Variants in PCDHGB4 observed in about 807,000 individuals in gnomAD.
The protein encoded by PCDHGB4 is protocadherin gamma-B4.
In PCDHGB4, 38 loss-of-function variants were observed where a neutral mutation model predicts 60.5. That is an observed-to-expected ratio of 0.63 (90% CI 0.48 to 0.82). The LOEUF is 0.82. Ranked by LOEUF, PCDHGB4 falls within the 40% of genes least tolerant of loss-of-function variation. PCDHGB4 has a pLI of 0.00. For missense variants in PCDHGB4, 1,109 were observed against 1,209.6 expected (o/e 0.92, Z 1.23); for synonymous variants, 456 against 509.7 (o/e 0.89, Z 1.42).
At chr5:141,429,500 A>C (rs1050435175) in intron 1 of PCDHGB4, among the ~76,000 whole-genome samples, 1 of 152,148 alleles carries the variant, frequency 6.6e-6, no homozygotes, top group Non-Finnish European at 1.5e-5. Flanking sequence ...CAGTTGCCTG[A>C]AACTGTGCCT....
In PCDHGB4 at chr5:141,404,936, G is replaced by A. The variant is rs755365273; in HGVS notation, c.2397+14655G>A. ...TCTCTCGGCCACTGTCACGCTCACA[G>A]TAGCCATAGCTGACAGCATCCCAGA... is the stretch of plus-strand genomic sequence containing the variant. On this transcript the variant is annotated intron_variant, in intron 1 of 3. Coordinates refer to ENST00000519479, the MANE Select transcript of PCDHGB4 (RefSeq NM_003736.4). 1.9e-6 allele frequency: 3 copies of A among 1,613,858 alleles called. No individual in the cohort carries two copies. The South Asian group carries it at 3.3e-5, about 18-fold the overall frequency.
chr5:141,410,091 G>C (rs778509378), intron 1 of PCDHGB4: 8 of 1,612,400 alleles, frequency 5.0e-6, no homozygotes, highest in South Asian at 1.1e-5. Context: ...CGCACGGCTC[G>C]AGCCTTAGGC....
At chr5:141,411,880 A>G (rs1030232942) in intron 1 of PCDHGB4, 2 of 152,240 alleles carry the variant, frequency 1.3e-5, no homozygotes, top group African/African-American at 4.8e-5. Flanking sequence ...GACATTTCTA[A>G]GAAATAAATG....
intron 1 of PCDHGB4, 157 bp from the exon 2 acceptor site, chr5:141,494,645 GTGTAT>G: frequency 1.1e-6 from 1 of 935,948 alleles, no homozygotes; most frequent in Non-Finnish European, 1.3e-6. Context: ...GAGACCTGAG[GTGTAT>G]TTTGTCTTTG....
At chr5:141,400,077 C>T in intron 1 of PCDHGB4, 4 of 1,614,040 alleles carry the variant, frequency 2.5e-6, no homozygotes, top group South Asian at 1.1e-5. Context: ...AGCCGCCACT[C>T]TCCGCCACCG....
chr5:141,393,264 C>T, intron 1 of PCDHGB4: 1 of 1,613,916 alleles, frequency 6.2e-7, no homozygotes, highest in Non-Finnish European at 8.5e-7. Flanking sequence ...TCCTGGAGCA[C>T]GTTATCCACT....
chr5:141,431,876 GA>G lies in PCDHGB4; in HGVS notation c.2397+41596del. 6.2e-7 allele frequency: 1 copy of G among 1,614,188 alleles called. No individual in the cohort carries two copies. Among genetic ancestry groups the G allele is most frequent in the Non-Finnish European group, 8.5e-7 (1 of 1,180,008 alleles). On this transcript the variant is annotated intron_variant, in intron 1 of 3. Transcript: ENST00000519479. The surrounding 1 kb of genome is among the most constrained non-coding windows in gnomAD (Gnocchi z 4.8). ...ATTAATTGCCCTTTTAAATGTAAATGACCAAGATTCTGAGGAAAACGGACAG... is the reference window on the plus strand; with the variant it reads ...ATTAATTGCCCTTTTAAATGTAAATGCCAAGATTCTGAGGAAAACGGACAG...
At chr5:141,475,315 A>G (rs766425496) in intron 1 of PCDHGB4, among the ~76,000 whole-genome samples, 2 of 152,182 alleles carry the variant, frequency 1.3e-5, no homozygotes, top group Non-Finnish European at 2.9e-5. Flanking sequence ...CCTGGTTCTT[A>G]AGAAATGAGA....
rs1007591817 is a variant in PCDHGB4, at chr5:141,389,432, C to A, written c.1548C>A (p.Arg516=). Residue 516 remains arginine (R), a synonymous_variant, in exon 1 of 4, where the codon CGC becomes CGA. Transcript: ENST00000519479. ...SAESGVVFAQ[R]AFDHEQLRAF... The stretch of plus-strand genomic sequence containing the variant: ...AGAGCGGGGTGGTGTTCGCGCAGCG[C>A]GCCTTCGACCACGAGCAGCTGCGCG... The A allele has an allele frequency of 1.2e-6, 2 of 1,610,650 alleles. No individual in the cohort carries two copies. The highest frequency in any genetic ancestry group is 8.5e-7 in the Non-Finnish European group (1 of 1,178,380).
intron 1 of PCDHGB4, chr5:141,393,367 G>C: frequency 1.2e-6 from 2 of 1,613,962 alleles, no homozygotes; most frequent in Middle Eastern, 1.6e-4. Context: ...GTGCAGACTG[G>C]AGACAATGGA....
At chr5:141,495,984 ATC>A (rs2099765081) in intron 2 of PCDHGB4, among the ~76,000 whole-genome samples, 1 of 149,246 alleles carries the variant, frequency 6.7e-6, no homozygotes, top group East Asian at 2.0e-4. Context: ...CTCTTTCTTT[ATC>A]TCTCTTTTTC....
intron 1 of PCDHGB4, chr5:141,395,264 A>T: frequency 1.3e-6 from 2 of 1,549,832 alleles, no homozygotes; most frequent in Non-Finnish European, 1.7e-6. Flanking sequence ...GCTTGCTTTT[A>T]ATTTCCAGAT....
chr5:141,427,150 T>C (rs570999921), intron 1 of PCDHGB4: 6 of 456,866 alleles, frequency 1.3e-5, no homozygotes, highest in African/African-American at 4.0e-5. Flanking sequence ...ATTGGAAATA[T>C]GTTTGTGCTA....
rs1334123861 is a variant in PCDHGB4, at chr5:141,414,743, C to G, written c.2397+24462C>G. On this transcript the variant is annotated intron_variant, in intron 1 of 3. Coordinates refer to ENST00000519479, the MANE Select transcript of PCDHGB4 (RefSeq NM_003736.4). ...ACTGGCGTCCTGTATGCACTCAGAT[C>G]CTTCGACTATGAGCAGTTTCATGAG... 1.9e-6 allele frequency: 3 copies of G among 1,614,216 alleles called. No homozygotes were observed. In the East Asian group the frequency reaches 6.7e-5, roughly 36 times the overall value.
At chr5:141,505,348 G>A (rs1414647950) in intron 2 of PCDHGB4, 45 bp from the exon 3 acceptor site, 1 of 1,613,358 alleles carries the variant, frequency 6.2e-7, no homozygotes, top group Admixed American at 1.7e-5. Context: ...GGCATGAGCT[G>A]TGCCGGCCTG....
At position 141,485,731 on chromosome 5, in the gene PCDHGB4, C is replaced by G; in HGVS notation, c.2398-9076C>G. 6.2e-7 allele frequency: 1 copy of G among 1,614,152 alleles called. No homozygotes were observed. Among genetic ancestry groups the G allele is most frequent in the Non-Finnish European group, 8.5e-7 (1 of 1,180,022 alleles). ...TTGCACTGGATGTGAAGAAGCGCAG[C>G]GACGGCAGCCTGGTCCCAGAGCTGC... On this transcript the variant is annotated intron_variant, in intron 1 of 3. Transcript: ENST00000519479. The surrounding 1 kb of genome is among the most constrained non-coding windows in gnomAD (Gnocchi z 5.7).
intron 1 of PCDHGB4, among the ~76,000 whole-genome samples, chr5:141,445,720 G>T (rs2098475440): frequency 6.6e-6 from 1 of 152,158 alleles, no homozygotes; most frequent in Non-Finnish European, 1.5e-5. Flanking sequence ...AGAGGAAATA[G>T]CATGTGTAAA....
At chr5:141,433,129 C>T in intron 1 of PCDHGB4, 1 of 1,614,130 alleles carries the variant, frequency 6.2e-7, no homozygotes, top group Non-Finnish European at 8.5e-7. Context: ...AAAGCGAGCC[C>T]CTTTTGCTGT....
rs1401463493 is a variant in PCDHGB4, at chr5:141,390,246, C to T, written c.2362C>T (p.Pro788Ser). 5 of 1,613,922 alleles carry T rather than the reference C, an allele frequency of 3.1e-6. No individual in the cohort carries two copies. The highest frequency in any genetic ancestry group is 1.3e-5 in the African/African-American group (1 of 74,946). The part of the protein sequence containing the change: ...LCGDSSGALF[P>S]LCNSSELTSH... The stretch of plus-strand genomic sequence containing the variant: ...CGGTGATTCATCTGGGGCCTTATTT[C>T]CACTTTGTAATTCCAGTGAATTGAC... Residue 788 changes from proline (P) to serine (S), a missense_variant, in exon 1 of 4, where the codon CCA becomes TCA. Transcript: ENST00000519479.
Sources: allele counts gnomAD v4.1 joint callset (sites outside exome capture counted in the v4.1 genomes callset), GRCh38; gene constraint gnomAD v4.1.1; non-coding constraint Gnocchi (gnomAD v3.1); transcripts MANE v1.5; gene names NCBI Gene and HGNC (gene_info 2026-07-23, HGNC 2026-07-21).